The following TULP4 variants were observed in gnomAD, a reference collection of about 807,000 sequenced individuals.
The protein encoded by TULP4 is TUB like protein 4.
Under a neutral mutation model 129.0 loss-of-function variants are expected in TULP4, and 16 were observed. That is an observed-to-expected ratio of 0.12 (90% CI 0.08 to 0.19). The LOEUF (loss-of-function observed/expected upper bound fraction) is 0.19. TULP4 is among the 10% of genes least tolerant of loss of function. TULP4 has a pLI of 1.00. For synonymous variants in TULP4, 998 were observed against 854.0 expected (o/e 1.17, Z -2.94); for missense variants, 1,842 against 2,059.1 (o/e 0.89, Z 2.04).
At chr6:158,327,939 G>T (rs148439542) in intron 1 of TULP4, among the ~76,000 whole-genome samples, 2 of 152,090 alleles carry the variant, frequency 1.3e-5, no homozygotes, top group Admixed American at 6.6e-5. Context: ...TAATGACCTG[G>T]GGGAGAACCA....
At chr6:158,403,528 C>CG (rs909903772) in intron 1 of TULP4, among the ~76,000 whole-genome samples, 8 of 152,010 alleles carry the variant, frequency 5.3e-5, no homozygotes, top group African/African-American at 1.9e-4. Context: ...TTAGTAGAGA[C>CG]GGGGTTTCTC....
chr6:158,273,995 C>T (rs1424416317), intron 1 of TULP4, among the ~76,000 whole-genome samples: 1 of 152,190 alleles, frequency 6.6e-6, no homozygotes, highest in Admixed American at 6.5e-5. Flanking sequence ...TGCAGTGGCT[C>T]ACACCTGTAA....
chr6:158,411,771 G>T (rs1778105824), intron 1 of TULP4, among the ~76,000 whole-genome samples: 1 of 152,182 alleles, frequency 6.6e-6, no homozygotes, highest in Non-Finnish European at 1.5e-5. Context: ...GTGTGTCCAT[G>T]GCATCGCTTT....
chr6:158,283,152 C>CA (rs1211803615), intron 1 of TULP4, among the ~76,000 whole-genome samples: 11 of 143,030 alleles, frequency 7.7e-5, no homozygotes, highest in South Asian at 2.2e-4. Context: ...AAAAAAAAAA[C>CA]AAAAAAAAAC....
chr6:158,386,632 A>G (rs1392068641), intron 1 of TULP4, among the ~76,000 whole-genome samples: 1 of 152,242 alleles, frequency 6.6e-6, no homozygotes. Flanking sequence ...ATATAGTCAC[A>G]GAATTCAGAT....
intron 1 of TULP4, among the ~76,000 whole-genome samples, chr6:158,273,410 C>T (rs1233434182): frequency 1.3e-5 from 2 of 152,184 alleles, no homozygotes. Flanking sequence ...TCCTCCCTCA[C>T]TGGGCTTAGT....
At chr6:158,451,368 G>A (rs1316068435) in intron 4 of TULP4, among the ~76,000 whole-genome samples, 1 of 152,246 alleles carries the variant, frequency 6.6e-6, no homozygotes, top group South Asian at 2.1e-4. Flanking sequence ...ACAACTGGCA[G>A]GTAGGCCCAC....
intron 1 of TULP4, chr6:158,237,830 T>G (rs9366052): frequency 0.18 from 136,825 of 760,836 alleles, 15,932 homozygotes; most frequent in East Asian, 0.42. Flanking sequence ...GGCAAATGTT[T>G]ACTAAGAGCT....
At position 158,502,860 on chromosome 6, in the gene TULP4, C is replaced by A; in HGVS notation, c.3197C>A (p.Ser1066Tyr). The change falls in exon 13 of 14, where the codon TCC (serine) becomes TAC (tyrosine). Residue 1066 changes from serine (S) to tyrosine (Y), a missense_variant. Around this residue, in one of 5 missense-constraint regions of TULP4, gnomAD observed 1,089 missense variants for 987.1 expected, o/e 1.10. Coordinates refer to ENST00000367097, the MANE Select transcript of TULP4 (RefSeq NM_020245.5). ...TASASPLASQ[S>Y]SYSLLSPPDS... Reference sequence around the variant, plus strand: ...AGCGCCTCCCCGTTGGCCTCCCAGTCCTCCTACAGCCTCCTGAGCCCACCC... The same window carrying A: ...AGCGCCTCCCCGTTGGCCTCCCAGTACTCCTACAGCCTCCTGAGCCCACCC... 6.2e-7 allele frequency: 1 copy of A among 1,613,804 alleles called. No individual in the cohort carries two copies. Among genetic ancestry groups the A allele is most frequent in the Non-Finnish European group, 8.5e-7 (1 of 1,179,996 alleles).
At position 158,503,592 on chromosome 6, in the gene TULP4, A is replaced by G. The variant is rs773916311; in HGVS notation, c.3929A>G (p.Glu1310Gly). The G allele has an allele frequency of 1.9e-6, 3 of 1,614,086 alleles. No homozygotes were observed. The East Asian group carries it at 6.7e-5, about 36-fold the overall frequency. ...CACTTGGGCACAGAGGTGATGGTAG[A>G]GACTGCAGACAACTTCCAGGAAGTC... is the stretch of plus-strand genomic sequence containing the variant. ...QSHLGTEVMV[E>G]TADNFQEVLS... Residue 1310 changes from glutamate (E) to glycine (G), a missense_variant, in exon 13 of 14, where the codon GAG (glutamate) becomes GGG (glycine). Coordinates refer to ENST00000367097, the MANE Select transcript of TULP4 (RefSeq NM_020245.5). This position sits in a 1 kb window ranked among gnomAD's most constrained non-coding sequence, Gnocchi z 4.3.
At position 158,481,175 on chromosome 6, in the gene TULP4, T is replaced by C; in HGVS notation, c.1372T>C (p.Tyr458His). Residue 458 changes from tyrosine to histidine, a missense_variant, in exon 8 of 14, where the codon TAC becomes CAC. By Grantham distance (83) the Tyr-to-His change is moderately conservative. This residue lies in a region of TULP4 where 456 missense variants were observed against 534.3 expected (regional missense o/e 0.85). Transcript: ENST00000367097. ...CGACCCGGAGGTGGGCGGCCCGTGC[T>C]ACACGCTCTACCTGGAGTACCTGGG... is the stretch of plus-strand genomic sequence containing the variant. ...EDDPEVGGPC[Y>H]TLYLEYLGGL... is the part of the protein sequence containing the mutation. 1 of 1,614,226 alleles carries C rather than the reference T, an allele frequency of 6.2e-7. No homozygotes were observed. The highest frequency in any genetic ancestry group is 1.7e-5 in the Admixed American group (1 of 60,024).
At chr6:158,260,486 G>T (rs1189058561) in intron 1 of TULP4, among the ~76,000 whole-genome samples, 1 of 151,606 alleles carries the variant, frequency 6.6e-6, no homozygotes, top group Non-Finnish European at 1.5e-5. Flanking sequence ...TGAGGCAGGA[G>T]AGTGGCATGA....
intron 5 of TULP4, among the ~76,000 whole-genome samples, chr6:158,452,535 C>G (rs544843464): frequency 6.6e-6 from 1 of 152,182 alleles, no homozygotes; most frequent in Non-Finnish European, 1.5e-5. Context: ...AAGAATGATC[C>G]TCTCTCAGGT....
chr6:158,369,211 G>A (rs1041911066), intron 1 of TULP4, among the ~76,000 whole-genome samples: 1 of 152,188 alleles, frequency 6.6e-6, no homozygotes, highest in Non-Finnish European at 1.5e-5. Flanking sequence ...TGCTTTGAGT[G>A]ACTGGGCTCA....
intron 1 of TULP4, among the ~76,000 whole-genome samples, chr6:158,239,873 T>G: frequency 2.2e-5 from 1 of 45,780 alleles, no homozygotes; most frequent in Non-Finnish European, 4.9e-5. Flanking sequence ...GGCTCCTCAC[T>G]TCCCAGTAGG....
intron 1 of TULP4, among the ~76,000 whole-genome samples, chr6:158,239,052 G>A (rs1183179707): frequency 2.2e-5 from 3 of 135,602 alleles, no homozygotes; most frequent in Non-Finnish European, 5.0e-5. Context: ...TGGCCGGGCG[G>A]GGGGCTGACC....
rs927620575 is a variant in TULP4, at chr6:158,313,207, C to T, written c.-810C>T. The T allele has an allele frequency of 1.2e-5, 4 of 325,250 alleles. No homozygotes were observed. Among genetic ancestry groups the T allele is most frequent in the Non-Finnish European group, 2.2e-5 (4 of 181,192 alleles). 20.1% of individuals were successfully genotyped at this position (325,250 alleles called of 1,614,324 possible). A position where few individuals can be genotyped will look rare whatever the true frequency, so the allele number is the denominator to read the frequency against. On this transcript the variant is annotated 5_prime_UTR_variant, in exon 1 of 14. Coordinates refer to ENST00000367097, the MANE Select transcript of TULP4 (RefSeq NM_020245.5). Reference sequence around the variant, plus strand: ...AGTGAAGGGGCCTTCTTTCTAGCCTCTATGGCACTGAGGGGTGCGCCGGCT... The same window carrying T: ...AGTGAAGGGGCCTTCTTTCTAGCCTTTATGGCACTGAGGGGTGCGCCGGCT...
At chr6:158,497,838 G>A (rs551063501) in intron 11 of TULP4, among the ~76,000 whole-genome samples, 5 of 152,206 alleles carry the variant, frequency 3.3e-5, no homozygotes, top group Non-Finnish European at 5.9e-5. Context: ...CAGGTCAGCC[G>A]CTAAGTGTTA....
At chr6:158,291,790 C>T (rs912946216) in intron 1 of TULP4, among the ~76,000 whole-genome samples, 2 of 151,954 alleles carry the variant, frequency 1.3e-5, no homozygotes, top group Non-Finnish European at 2.9e-5. Context: ...TTCATTAATT[C>T]CTTTTTTAGC....
Sources: allele counts gnomAD v4.1 joint callset (sites outside exome capture counted in the v4.1 genomes callset), GRCh38; gene constraint gnomAD v4.1.1; regional missense constraint gnomAD v4.1.1; non-coding constraint Gnocchi (gnomAD v3.1); transcripts MANE v1.5; gene names NCBI Gene and HGNC (gene_info 2026-07-23, HGNC 2026-07-21).